The following MAP3K13 variants were observed in gnomAD, a reference collection of about 807,000 sequenced individuals.
The protein encoded by MAP3K13 is mitogen-activated protein kinase kinase kinase 13.
MAP3K13 carries 52 observed loss-of-function variants against 104.0 expected under a neutral mutation model. The ratio of observed to expected loss-of-function variants is 0.50; its 90% confidence interval spans 0.40 to 0.63. MAP3K13 has a LOEUF of 0.63. Among genes scored for constraint, MAP3K13 ranks in the 20% least tolerant of loss-of-function variants. MAP3K13 has a pLI of 0.00. For missense variants in MAP3K13, 914 were observed against 1,218.5 expected (o/e 0.75, Z 3.72); for synonymous variants, 394 against 442.2 (o/e 0.89, Z 1.37).
At chr3:185,405,855 C>T (rs555680858) in intron 1 of MAP3K13, among the ~76,000 whole-genome samples, 1 of 152,300 alleles carries the variant, frequency 6.6e-6, no homozygotes, top group East Asian at 1.9e-4. Flanking sequence ...GGGTCTATTC[C>T]ATCATCCATG....
chr3:185,457,756 A>AT (rs1716850604), intron 7 of MAP3K13, among the ~76,000 whole-genome samples: 1 of 152,132 alleles, frequency 6.6e-6, no homozygotes. Context: ...CAAATCTGCT[A>AT]TTTTGCTACC....
At chr3:185,424,094 G>A (rs1049218691) in intron 1 of MAP3K13, among the ~76,000 whole-genome samples, 3 of 152,166 alleles carry the variant, frequency 2.0e-5, no homozygotes, top group Non-Finnish European at 2.9e-5. Flanking sequence ...AGCTTCAACA[G>A]GATAGGAACC....
At chr3:185,463,465 A>G (rs1577603860) in intron 7 of MAP3K13, 85 bp from the exon 8 acceptor site, 1 of 737,870 alleles carries the variant, frequency 1.4e-6, no homozygotes, top group Non-Finnish European at 2.4e-6. Flanking sequence ...GCATGCAGGG[A>G]AAAAAAATCT....
intron 1 of MAP3K13, among the ~76,000 whole-genome samples, chr3:185,383,551 G>A (rs2108761151): frequency 7.4e-6 from 1 of 135,250 alleles, no homozygotes; most frequent in African/African-American, 2.8e-5. Context: ...GACAGAGTGA[G>A]ACTCTGTCTC....
At position 185,453,941 on chromosome 3, in the gene MAP3K13, A is replaced by G. The variant is rs868166562; in HGVS notation, c.1278+2546A>G. ...TGTGATACATATATATGAGATATAT[A>G]TGATACATATATATGAGATATATAT... On this transcript the variant is annotated intron_variant, in intron 7 of 13. Transcript: ENST00000265026. 2.9e-3 allele frequency among the ~76,000 whole-genome samples: 32 copies of G among 11,198 alleles called. 3 individuals are homozygous for G. Among genetic ancestry groups the G allele is most frequent in the African/African-American group, 4.2e-3 (27 of 6,428 alleles). 7.3% of individuals were successfully genotyped at this position (11,198 alleles called of 152,430 possible).
intron 2 of MAP3K13, among the ~76,000 whole-genome samples, chr3:185,347,828 G>A (rs1230896766): frequency 6.6e-6 from 1 of 152,038 alleles, no homozygotes; most frequent in African/African-American, 2.4e-5. Context: ...GGCCAACATG[G>A]TGAAACCCTG....
intron 7 of MAP3K13, among the ~76,000 whole-genome samples, chr3:185,453,200 T>C (rs1248140613): frequency 6.6e-6 from 1 of 152,162 alleles, no homozygotes; most frequent in South Asian, 2.1e-4. Flanking sequence ...GATCCTGAAT[T>C]ATAGCTGTAT....
intron 10 of MAP3K13, among the ~76,000 whole-genome samples, chr3:185,469,154 A>T (rs188881424): frequency 2.0e-5 from 3 of 152,312 alleles, no homozygotes; most frequent in African/African-American, 7.2e-5. Flanking sequence ...GGAGACCTTG[A>T]AGGAAATTAG....
chr3:185,471,387 C>G lies in MAP3K13; in HGVS notation c.1644-1588C>G, dbSNP rs534965510. On this transcript the variant is annotated intron_variant, in intron 10 of 13. Coordinates refer to ENST00000265026, the MANE Select transcript of MAP3K13 (RefSeq NM_004721.5). Reference sequence around the variant, plus strand: ...TCTCAAACTCCTGGCCTCAAGCAATCCTCCTATCTTGGCCCCCAAAGTGCT... The same window carrying G: ...TCTCAAACTCCTGGCCTCAAGCAATGCTCCTATCTTGGCCCCCAAAGTGCT... Among the ~76,000 whole-genome samples, 33 of 144,156 alleles carry G rather than the reference C, an allele frequency of 2.3e-4. No homozygotes were observed. The East Asian group carries it at 5.6e-3, about 24-fold the overall frequency. The allele number at this position is 144,156 out of a possible 152,430, so 94.6% of individuals were successfully genotyped here.
chr3:185,398,494 C>T (rs753625994), intron 1 of MAP3K13, among the ~76,000 whole-genome samples: 4 of 152,140 alleles, frequency 2.6e-5, no homozygotes, highest in Non-Finnish European at 4.4e-5. Flanking sequence ...GAACTAATTG[C>T]GTTTGTGGCT....
At chr3:185,430,821 T>A (rs1714702494) in intron 2 of MAP3K13, among the ~76,000 whole-genome samples, 1 of 152,226 alleles carries the variant, frequency 6.6e-6, no homozygotes, top group African/African-American at 2.4e-5. Flanking sequence ...TATGTGTGTG[T>A]ATACTTTTAA....
At chr3:185,384,308 C>CTGTGTGTGTGTGTGTGTGTGTGTGTG (rs142627913) in intron 1 of MAP3K13, among the ~76,000 whole-genome samples, 3 of 147,462 alleles carry the variant, frequency 2.0e-5, no homozygotes, top group African/African-American at 7.5e-5. Flanking sequence ...GTATTCCATT[C>CTGTGTGTGTGTGTGTGTGTGTGTGTG]TGTGTGTGTG....
intron 2 of MAP3K13, among the ~76,000 whole-genome samples, chr3:185,341,721 AG>A (rs1560055851): frequency 1.3e-5 from 2 of 152,226 alleles, no homozygotes; most frequent in South Asian, 2.1e-4. Flanking sequence ...AGAGGCTTCA[AG>A]TTTCCAGCCT....
At chr3:185,291,735 G>A in intron 2 of MAP3K13, 1 of 1,505,958 alleles carries the variant, frequency 6.6e-7, no homozygotes, top group Non-Finnish European at 8.8e-7. Context: ...CTGCATTAAA[G>A]CTCTCCATTG....
chr3:185,322,813 G>A (rs949293306), intron 2 of MAP3K13, among the ~76,000 whole-genome samples: 1 of 152,116 alleles, frequency 6.6e-6, no homozygotes, highest in East Asian at 1.9e-4. Context: ...TCACTGTTCT[G>A]ATCTCTCTTT....
intron 1 of MAP3K13, among the ~76,000 whole-genome samples, chr3:185,424,529 G>A (rs6784357): frequency 0.96 from 146,614 of 152,274 alleles, 70,862 homozygotes; most frequent in East Asian, 1. Context: ...TTATACACCA[G>A]CTTTTAAGAG....
intron 7 of MAP3K13, among the ~76,000 whole-genome samples, chr3:185,453,882 G>GAT (rs1333206400): frequency 2.2e-3 from 156 of 72,438 alleles, no homozygotes; most frequent in African/African-American, 8.4e-3. Flanking sequence ...ATATATATGA[G>GAT]ATATATATGT....
rs1403492762 is a variant in MAP3K13 at position 185,483,860 on chromosome 3, C to T, written c.*1404C>T. 1.3e-5 allele frequency: 2 copies of T among 155,136 alleles called. No individual in the cohort carries two copies. The highest frequency in any genetic ancestry group is 2.9e-5 in the Non-Finnish European group (2 of 69,982). The allele number at this position is 155,136 out of a possible 1,614,324, so 9.6% of individuals were successfully genotyped here. On this transcript the variant is annotated 3_prime_UTR_variant, in exon 14 of 14. Coordinates refer to ENST00000265026, the MANE Select transcript of MAP3K13 (RefSeq NM_004721.5). ...CCCGAGTAGCTGGGATTACAGGCGC[C>T]CGCAACCACGCCTGGCTAATTTTGT...
intron 1 of MAP3K13, among the ~76,000 whole-genome samples, chr3:185,384,912 T>G (rs1289857506): frequency 6.6e-6 from 1 of 152,234 alleles, no homozygotes; most frequent in African/African-American, 2.4e-5. Flanking sequence ...TTCACTTGGC[T>G]GATTGTTTCC....
Sources: gnomAD v4.1 joint callset for allele counts (sites outside exome capture counted in the v4.1 genomes callset) on GRCh38, gnomAD v4.1.1 for gene constraint, MANE v1.5 for transcripts, NCBI Gene and HGNC (gene_info 2026-07-23, HGNC 2026-07-21) for gene names.